The following MAST2 variants were observed in gnomAD, a reference collection of about 807,000 sequenced individuals.
MAST2 encodes the protein microtubule associated serine/threonine kinase 2.
Under a neutral mutation model 147.4 loss-of-function variants are expected in MAST2, and 70 were observed. That is an observed-to-expected ratio of 0.47 (90% CI 0.39 to 0.58). The LOEUF (loss-of-function observed/expected upper bound fraction) is 0.58, where lower values mean the gene tolerates loss of function less well. MAST2 is among the 20% of genes least tolerant of loss of function. MAST2 has a pLI of 0.00. For synonymous variants in MAST2, 869 were observed against 896.8 expected (o/e 0.97, Z 0.55); for missense variants, 2,080 against 2,302.3 (o/e 0.90, Z 1.98).
intron 1 of MAST2, among the ~76,000 whole-genome samples, chr1:45,813,043 A>G (rs567607299): frequency 1.4e-4 from 21 of 152,190 alleles, no homozygotes; most frequent in African/African-American, 5.1e-4. Flanking sequence ...CTCAAGTTCT[A>G]TCTATAAAAT....
intron 3 of MAST2, chr1:45,847,493 T>G (rs757629483): frequency 5.1e-4 from 388 of 754,226 alleles, no homozygotes; most frequent in Non-Finnish European, 7.5e-4. Context: ...CATTCTTCAA[T>G]TTTTCCTTTT....
At chr1:45,941,905 G>C (rs1657353386) in intron 4 of MAST2, among the ~76,000 whole-genome samples, 1 of 152,224 alleles carries the variant, frequency 6.6e-6, no homozygotes. Flanking sequence ...TGTTTGGAGA[G>C]TAATACATTC....
chr1:45,938,903 G>A (rs1010026900), intron 4 of MAST2, among the ~76,000 whole-genome samples: 6 of 146,774 alleles, frequency 4.1e-5, no homozygotes, highest in South Asian at 2.2e-4. Flanking sequence ...AAATCTGTTC[G>A]TTTTTTTTTT....
chr1:45,887,317 A>G (rs984455102), intron 4 of MAST2, among the ~76,000 whole-genome samples: 5 of 152,236 alleles, frequency 3.3e-5, no homozygotes, highest in Non-Finnish European at 4.4e-5. Flanking sequence ...TGAGCAGTCA[A>G]TTGAGATAAC....
At position 46,006,367 on chromosome 1, in the gene MAST2, G is replaced by A. The variant is rs1226061969; in HGVS notation, c.874G>A (p.Ala292Thr). The change falls in exon 8 of 29, where the codon GCC (alanine) becomes ACC (threonine). Residue 292 changes from alanine (A) to threonine (T), a missense_variant. Transcript: ENST00000361297. ...VPDEEGRQSP[A>T]MRPRSRSLSP... ...AGATGAGGAAGGACGGCAGTCCCCA[G>A]CCATGCGGCCTCGCTCCCGGAGCCT... is the stretch of plus-strand genomic sequence containing the variant. 3 of 1,613,464 alleles carry A rather than the reference G, an allele frequency of 1.9e-6. No individual in the cohort carries two copies. In the Admixed American group the frequency reaches 5.0e-5, roughly 27 times the overall value.
chr1:45,916,861 T>C (rs574725848), intron 4 of MAST2, among the ~76,000 whole-genome samples: 2 of 152,240 alleles, frequency 1.3e-5, no homozygotes, highest in East Asian at 1.9e-4. Flanking sequence ...GGTGGATCAC[T>C]CGAGGTCAGG....
chr1:45,979,778 A>G (rs1016361862), intron 5 of MAST2, among the ~76,000 whole-genome samples: 7 of 152,156 alleles, frequency 4.6e-5, no homozygotes, highest in South Asian at 2.1e-4. Context: ...TGAGGCTGCA[A>G]TGAGCTATGC....
In MAST2 at chr1:46,008,279, ATTTC is replaced by A; in HGVS notation, c.903-9_903-6del. ...TCCATAGCACTAAAGTAACACAATCATTTCTTTCTTTTTTAGTCCCGGACGATCC... is the reference window on the plus strand; with the variant it reads ...TCCATAGCACTAAAGTAACACAATCATTTCTTTTTTAGTCCCGGACGATCC... On this transcript the variant is annotated splice_polypyrimidine_tract_variant and intron_variant, in intron 8 of 28. Transcript: ENST00000361297. 6.3e-7 allele frequency: 1 copy of A among 1,581,200 alleles called. No homozygotes were observed. The highest frequency in any genetic ancestry group is 1.1e-5 in the South Asian group (1 of 90,312).
chr1:45,945,442 A>G (rs191241167), intron 4 of MAST2, among the ~76,000 whole-genome samples: 26 of 152,368 alleles, frequency 1.7e-4, no homozygotes, highest in African/African-American at 4.6e-4. Flanking sequence ...ATACTGGTCT[A>G]TTGAAAGTGG....
At chr1:46,003,542 G>A (rs767132172) in intron 7 of MAST2, among the ~76,000 whole-genome samples, 1 of 151,394 alleles carries the variant, frequency 6.6e-6, no homozygotes, top group African/African-American at 2.4e-5. Flanking sequence ...ATCACGGCTC[G>A]CTGCAGCTTC....
chr1:45,874,171 C>G (rs901680400), intron 3 of MAST2, among the ~76,000 whole-genome samples: 2 of 152,098 alleles, frequency 1.3e-5, no homozygotes, highest in South Asian at 4.2e-4. Context: ...ACTGCTGTAT[C>G]TAAGCCTTTG....
In MAST2 at chr1:45,893,138, G is replaced by C. The variant is rs191993184; in HGVS notation, c.500+10743G>C. ...TTTATAAAACTCCACTGACCTAGAA[G>C]GTGCTGGATTGAAATGTTAAAAGTA... is the stretch of plus-strand genomic sequence containing the variant. On this transcript the variant is annotated intron_variant, in intron 4 of 28. Transcript: ENST00000361297. 4.2e-4 allele frequency among the ~76,000 whole-genome samples: 64 copies of C among 152,228 alleles called. No individual in the cohort carries two copies. In the South Asian group the frequency reaches 5.8e-3, roughly 14 times the overall value.
At chr1:46,026,906 CCTTT>C (rs1207111092) in intron 16 of MAST2, among the ~76,000 whole-genome samples, 3 of 152,138 alleles carry the variant, frequency 2.0e-5, no homozygotes, top group Non-Finnish European at 2.9e-5. Flanking sequence ...TCACGTTCCT[CCTTT>C]CTAATATAGG....
At position 46,020,889 on chromosome 1, in the gene MAST2, G is replaced by A. The variant is rs78279718; in HGVS notation, c.1291-1061G>A. Among the ~76,000 whole-genome samples, 87 of 152,268 alleles carry A rather than the reference G, an allele frequency of 5.7e-4. No individual in the cohort carries two copies. The East Asian group carries it at 0.013, about 23-fold the overall frequency. On this transcript the variant is annotated intron_variant, in intron 11 of 28. Coordinates refer to ENST00000361297, the MANE Select transcript of MAST2 (RefSeq NM_015112.3). ...CAGTAATTGGTTCCTATTTATTTCT[G>A]TGTAAATATTACATCAGATTTAGTC...
chr1:45,898,824 C>T (rs1649215873), intron 4 of MAST2, among the ~76,000 whole-genome samples: 1 of 152,194 alleles, frequency 6.6e-6, no homozygotes, highest in African/African-American at 2.4e-5. Context: ...CCCCCATACT[C>T]ACTTTTTTTC....
At chr1:45,879,835 A>G (rs1646768492) in intron 3 of MAST2, among the ~76,000 whole-genome samples, 1 of 152,224 alleles carries the variant, frequency 6.6e-6, no homozygotes, top group Non-Finnish European at 1.5e-5. Flanking sequence ...GATTAAAGCC[A>G]CAATGAGATA....
intron 4 of MAST2, among the ~76,000 whole-genome samples, chr1:45,926,332 A>G (rs1453756032): frequency 6.6e-6 from 1 of 152,220 alleles, no homozygotes; most frequent in African/African-American, 2.4e-5. Context: ...GGAGACTCAG[A>G]TGTTGCTAAT....
rs1198792261 is a variant in MAST2, at chr1:45,824,462, C to G, written c.207C>G (p.Leu69=). The change falls in exon 2 of 29, where the codon CTC becomes CTG. Residue 69 remains leucine (L), a synonymous_variant. Transcript: ENST00000361297. ...TAGTAACTGGAGTTAGTCCCCTGCT[C>G]TTCAGGAAACTCAGTAATCCTGACA... ...QDVVTGVSPL[L]FRKLSNPDIF... The G allele has an allele frequency of 3.1e-6, 5 of 1,610,688 alleles. No homozygotes were observed. Among genetic ancestry groups the G allele is most frequent in the Non-Finnish European group, 4.2e-6 (5 of 1,177,974 alleles).
intron 5 of MAST2, among the ~76,000 whole-genome samples, chr1:45,986,856 G>A (rs1413406520): frequency 1.3e-5 from 2 of 151,432 alleles, no homozygotes; most frequent in African/African-American, 4.9e-5. Flanking sequence ...TAATATCTTT[G>A]TCTGGTTTTG....
Sources: allele counts gnomAD v4.1 joint callset (sites outside exome capture counted in the v4.1 genomes callset), GRCh38; gene constraint gnomAD v4.1.1; transcripts MANE v1.5; gene names NCBI Gene and HGNC (gene_info 2026-07-23, HGNC 2026-07-21).